The following IL18R1 variants were observed in gnomAD, a reference collection of about 807,000 sequenced individuals.
IL18R1 encodes the protein interleukin-18 receptor 1.
Under a neutral mutation model 48.5 loss-of-function variants are expected in IL18R1, and 40 were observed. The observed-to-expected ratio is 0.82, with a 90% CI of 0.64 to 1.07. The LOEUF is 1.07. Among genes scored for constraint, IL18R1 ranks in the 50% least tolerant of loss-of-function variants. The pLI, the probability that IL18R1 is intolerant of heterozygous loss-of-function variation, is 0.00. For synonymous variants in IL18R1, 232 were observed against 225.9 expected (o/e 1.03, Z -0.24); for missense variants, 596 against 633.7 (o/e 0.94, Z 0.64).
rs759738406 is a variant in IL18R1, at chr2:102,376,072, A to G, written c.625+9A>G. Reference sequence around the variant, plus strand: ...TATAACAATAGTGGAAGGTAAGGGAAATCTTAGAATTGGGAAGAAACAGAC... The same window carrying G: ...TATAACAATAGTGGAAGGTAAGGGAGATCTTAGAATTGGGAAGAAACAGAC... On this transcript the variant is annotated intron_variant, in intron 5 of 10. Transcript: ENST00000233957. 6.5e-7 allele frequency: 1 copy of G among 1,550,140 alleles called. No individual in the cohort carries two copies. Among genetic ancestry groups the G allele is most frequent in the Middle Eastern group, 1.7e-4 (1 of 5,716 alleles).
chr2:102,396,916 CT>C lies in IL18R1; in HGVS notation c.*31del. ...CAGAAACAGTGAACGCCAAAAAGAA[CT>C]CAAGATATTCTGGGGACTGAGCATA... On this transcript the variant is annotated 3_prime_UTR_variant, in exon 11 of 11. Transcript: ENST00000233957. 1 of 1,374,622 alleles carries C rather than the reference CT, an allele frequency of 7.3e-7. No individual in the cohort carries two copies. 85.2% of individuals were successfully genotyped at this position (1,374,622 alleles called of 1,614,324 possible). A position where few individuals can be genotyped will look rare whatever the true frequency, so the allele number is the denominator to read the frequency against.
At chr2:102,365,533 G>A (rs1221746323) in intron 2 of IL18R1, among the ~76,000 whole-genome samples, 1 of 152,134 alleles carries the variant, frequency 6.6e-6, no homozygotes, top group Non-Finnish European at 1.5e-5. Context: ...CAAGTGCATG[G>A]TGCAAGCTGT....
At chr2:102,368,103 A>C in intron 3 of IL18R1, 35 bp downstream of exon 3, 3 of 1,611,352 alleles carry the variant, frequency 1.9e-6, no homozygotes, top group Non-Finnish European at 2.5e-6. Flanking sequence ...TGTATTTCAC[A>C]GCCCTCTTGT....
rs778843306 is a variant in IL18R1 at position 102,396,769 on chromosome 2, T to C, written c.1509T>C (p.Asp503=). The C allele has an allele frequency of 6.8e-6, 11 of 1,613,992 alleles. No homozygotes were observed. In the South Asian group the frequency reaches 9.9e-5, roughly 14 times the overall value. ...ACAGAGTTCTGAAGTGGAAGGCCGATAAATCTCTTTCTTATAACTCAAGGT... is the reference window on the plus strand; with the variant it reads ...ACAGAGTTCTGAAGTGGAAGGCCGACAAATCTCTTTCTTATAACTCAAGGT... ...KSHRVLKWKA[D]KSLSYNSRFW... The change falls in exon 11 of 11, where the codon GAT becomes GAC. Residue 503 remains aspartate, a synonymous_variant. Transcript: ENST00000233957.
rs1318622166 is a variant in IL18R1, at chr2:102,386,905, A to G, written c.854A>G (p.Glu285Gly). The change falls in exon 8 of 11, where the codon GAA becomes GGA. Residue 285 changes from glutamate to glycine, a missense_variant. Glu to Gly is a moderately conservative substitution (Grantham distance 98, BLOSUM62 -2). Around this residue, in one of 3 missense-constraint regions of IL18R1, gnomAD observed 360 missense variants for 339.4 expected, o/e 1.06. Transcript: ENST00000233957. ...KWHASKVLRI[E>G]NIGESNLNVL... ...CATGCTTCAAAAGTATTGAGAATTG[A>G]AAATATTGGTGAAAGCAATCTAAAT... The G allele has an allele frequency of 6.2e-7, 1 of 1,614,208 alleles. No individual in the cohort carries two copies.
intron 1 of IL18R1, among the ~76,000 whole-genome samples, chr2:102,358,619 G>C (rs1335686764): frequency 6.6e-6 from 1 of 152,070 alleles, no homozygotes; most frequent in African/African-American, 2.4e-5. Flanking sequence ...CTACGTCGGC[G>C]GCTCTCTTCC....
chr2:102,368,311 A>G (rs1679032691), intron 3 of IL18R1, among the ~76,000 whole-genome samples: 1 of 152,240 alleles, frequency 6.6e-6, no homozygotes, highest in African/African-American at 2.4e-5. Flanking sequence ...GGGGATCCTT[A>G]CCAATGACAA....
At chr2:102,366,009 A>C (rs997589507) in intron 2 of IL18R1, among the ~76,000 whole-genome samples, 1 of 152,192 alleles carries the variant, frequency 6.6e-6, no homozygotes, top group Admixed American at 6.5e-5. Context: ...AGGGTCTCTC[A>C]TGAAGATCTC....
chr2:102,371,772 GTT>G (rs1009938738), intron 3 of IL18R1, among the ~76,000 whole-genome samples, 179 bp from the exon 4 acceptor site: 6 of 152,252 alleles, frequency 3.9e-5, no homozygotes, highest in African/African-American at 1.4e-4. Flanking sequence ...TCCCATGACA[GTT>G]TTTAAAGTTC....
At chr2:102,379,488 G>C (rs1312490240) in intron 5 of IL18R1, among the ~76,000 whole-genome samples, 3 of 144,012 alleles carry the variant, frequency 2.1e-5, no homozygotes, top group South Asian at 2.3e-4. Context: ...AATACCCTAA[G>C]ACTCAGGGAA....
chr2:102,361,569 A>G (rs1325033096), intron 1 of IL18R1, among the ~76,000 whole-genome samples: 1 of 152,200 alleles, frequency 6.6e-6, no homozygotes, highest in African/African-American at 2.4e-5. Context: ...TAATCACTCA[A>G]TAATTCCAGA....
Position 102,382,903 on chromosome 2 carries a change from G to A in IL18R1, c.688+1221G>A, listed in dbSNP as rs147282895. Among the ~76,000 whole-genome samples the A allele has an allele frequency of 7.1e-4, 108 of 152,214 alleles. 1 individual carries two copies. Among genetic ancestry groups the A allele is most frequent in the African/African-American group, 2.4e-3 (101 of 41,546 alleles). On this transcript the variant is annotated intron_variant, in intron 6 of 10. Transcript: ENST00000233957. ...TTGTTCTAGTTTGTTGACCTGAAGAGTTAGATAATTAATTTTAATTATCCT... is the reference window on the plus strand; with the variant it reads ...TTGTTCTAGTTTGTTGACCTGAAGAATTAGATAATTAATTTTAATTATCCT...
chr2:102,367,884 C>G lies in IL18R1; in HGVS notation c.118C>G (p.His40Asp). 6.2e-7 allele frequency: 1 copy of G among 1,613,956 alleles called. No homozygotes were observed. Among genetic ancestry groups the G allele is most frequent in the Non-Finnish European group, 8.5e-7 (1 of 1,179,850 alleles). The change falls in exon 3 of 11, where the codon CAT becomes GAT. Residue 40 changes from histidine to aspartate, a missense_variant. By Grantham distance (81) the His-to-Asp change is moderately conservative. Around this residue, in one of 3 missense-constraint regions of IL18R1, gnomAD observed 360 missense variants for 339.4 expected, o/e 1.06. Transcript: ENST00000233957. ...VVEGEPFYLK[H>D]CSCSLAHEIE... is the part of the protein sequence containing the mutation. ...TGAAGGGGAACCTTTCTATCTGAAA[C>G]ATTGCTCGTGTTCACTTGCACATGA... is the stretch of plus-strand genomic sequence containing the variant.
At chr2:102,379,111 G>A (rs1679766266) in intron 5 of IL18R1, among the ~76,000 whole-genome samples, 1 of 152,168 alleles carries the variant, frequency 6.6e-6, no homozygotes, top group Non-Finnish European at 1.5e-5. Flanking sequence ...GATTAACAAG[G>A]GGCAAGCAAG....
At chr2:102,393,031 G>C (rs957324643) in intron 9 of IL18R1, among the ~76,000 whole-genome samples, 5 of 152,162 alleles carry the variant, frequency 3.3e-5, no homozygotes, top group Non-Finnish European at 5.9e-5. Context: ...TCATAGGTAA[G>C]AGCAAAGCTA....
At chr2:102,389,643 C>T (rs759154005) in intron 8 of IL18R1, among the ~76,000 whole-genome samples, 2 of 152,092 alleles carry the variant, frequency 1.3e-5, no homozygotes, top group South Asian at 2.1e-4. Context: ...TGATGGAGCC[C>T]AGCTGCAAAC....
intron 9 of IL18R1, among the ~76,000 whole-genome samples, chr2:102,392,524 T>A (rs1680610191): frequency 6.6e-6 from 1 of 152,208 alleles, no homozygotes; most frequent in African/African-American, 2.4e-5. Context: ...TCACTTCCAT[T>A]AAATTATGGT....
At chr2:102,359,917 C>T (rs890302503) in intron 1 of IL18R1, among the ~76,000 whole-genome samples, 1 of 152,224 alleles carries the variant, frequency 6.6e-6, no homozygotes, top group Admixed American at 6.5e-5. Flanking sequence ...TTAACTTTCA[C>T]ATCAGTTCCA....
intron 6 of IL18R1, 55 bp downstream of exon 6, chr2:102,381,737 C>T: frequency 9.0e-7 from 1 of 1,114,520 alleles, no homozygotes; most frequent in Non-Finnish European, 1.4e-6. Flanking sequence ...ATAATAGAGC[C>T]TTCCAAGCGT....
Sources: allele counts gnomAD v4.1 joint callset (sites outside exome capture counted in the v4.1 genomes callset), GRCh38; gene constraint gnomAD v4.1.1; regional missense constraint gnomAD v4.1.1; transcripts MANE v1.5; gene names NCBI Gene and HGNC (gene_info 2026-07-23, HGNC 2026-07-21).